Variants in PTPRG observed in about 807,000 individuals in gnomAD.
PTPRG encodes the protein protein tyrosine phosphatase receptor type G.
A neutral mutation model predicts 165.3 loss-of-function variants in PTPRG; 102 were observed. The observed-to-expected ratio is 0.62, with a 90% CI of 0.53 to 0.73. The LOEUF is 0.73. Among genes scored for constraint, PTPRG ranks in the 30% least tolerant of loss-of-function variants. PTPRG has a pLI of 0.00. For missense variants in PTPRG, 1,866 were observed against 1,861.4 expected (o/e 1.00, Z -0.05); for synonymous variants, 675 against 669.5 (o/e 1.01, Z -0.13).
intron 1 of PTPRG, among the ~76,000 whole-genome samples, chr3:61,607,651 C>T (rs1701051401): frequency 6.6e-6 from 1 of 152,182 alleles, no homozygotes; most frequent in South Asian, 2.1e-4. Context: ...TTCTCTCCTG[C>T]TTCTCTTTAG....
chr3:62,077,398 A>G (rs1243401186), intron 4 of PTPRG, among the ~76,000 whole-genome samples: 1 of 152,202 alleles, frequency 6.6e-6, no homozygotes, highest in South Asian at 2.1e-4. Context: ...ATTATCGTCA[A>G]ATTTCTGAAG....
intron 5 of PTPRG, among the ~76,000 whole-genome samples, chr3:62,112,739 A>T (rs923839836): frequency 1.3e-5 from 2 of 152,212 alleles, no homozygotes; most frequent in African/African-American, 4.8e-5. Flanking sequence ...CACAACTGAT[A>T]TCAGGGTAAC....
At chr3:62,048,959 T>G (rs1050681693) in intron 4 of PTPRG, among the ~76,000 whole-genome samples, 5 of 152,222 alleles carry the variant, frequency 3.3e-5, no homozygotes, top group Non-Finnish European at 7.3e-5. Context: ...GCTGCCTGTT[T>G]CTCTGACCTT....
At chr3:61,639,097 G>T (rs4688646) in intron 1 of PTPRG, among the ~76,000 whole-genome samples, 88,482 of 151,980 alleles carry the variant, frequency 0.58, 26,248 homozygotes, top group African/African-American at 0.71. Flanking sequence ...TGGTGAAAGG[G>T]AGGTGTTCAC....
At chr3:61,800,707 G>A (rs2035203468) in intron 2 of PTPRG, among the ~76,000 whole-genome samples, 1 of 151,134 alleles carries the variant, frequency 6.6e-6, no homozygotes, top group Admixed American at 6.6e-5. Context: ...GCAGTGGCAT[G>A]ATCTCGGCTT....
intron 2 of PTPRG, among the ~76,000 whole-genome samples, chr3:61,877,040 G>C (rs192130806): frequency 5.1e-4 from 78 of 151,746 alleles, no homozygotes; most frequent in Non-Finnish European, 3.8e-4. Flanking sequence ...ACATTTTTGT[G>C]TCAGGAGGAT....
intron 3 of PTPRG, among the ~76,000 whole-genome samples, chr3:61,990,647 C>T (rs1208490970): frequency 6.6e-6 from 1 of 152,184 alleles, no homozygotes; most frequent in Non-Finnish European, 1.5e-5. Flanking sequence ...CTTAGTGCTA[C>T]CTGGGGTTCT....
chr3:61,563,575 C>T (rs1699824863), intron 1 of PTPRG, among the ~76,000 whole-genome samples: 1 of 152,210 alleles, frequency 6.6e-6, no homozygotes, highest in Admixed American at 6.5e-5. Context: ...TCCCTCGCTC[C>T]CCTAAGGACA....
intron 1 of PTPRG, among the ~76,000 whole-genome samples, chr3:61,733,858 T>C (rs564006961): frequency 1.3e-5 from 2 of 152,300 alleles, no homozygotes; most frequent in Admixed American, 6.5e-5. Context: ...AATGCAGTGG[T>C]GTAATCTCAG....
intron 8 of PTPRG, among the ~76,000 whole-genome samples, chr3:62,182,464 A>C (rs545845707): frequency 6.6e-6 from 1 of 152,308 alleles, no homozygotes; most frequent in South Asian, 2.1e-4. Context: ...ACTTCTGTGA[A>C]TTCTATGCAG....
intron 2 of PTPRG, among the ~76,000 whole-genome samples, chr3:61,757,698 A>G (rs977833880): frequency 1.3e-5 from 2 of 152,268 alleles, no homozygotes; most frequent in Non-Finnish European, 2.9e-5. Context: ...ATATTCATTA[A>G]TGTATAAATT....
At chr3:61,811,256 T>C (rs1057126583) in intron 2 of PTPRG, among the ~76,000 whole-genome samples, 1 of 152,164 alleles carries the variant, frequency 6.6e-6, no homozygotes, top group Admixed American at 6.5e-5. Flanking sequence ...TTCTGCTAGG[T>C]ACCATGAGAA....
At chr3:61,787,271 G>T (rs1383950904) in intron 2 of PTPRG, among the ~76,000 whole-genome samples, 2 of 152,170 alleles carry the variant, frequency 1.3e-5, no homozygotes, top group African/African-American at 2.4e-5. Flanking sequence ...TGTATTTCCT[G>T]TAAATGATTA....
At chr3:61,877,251 A>T (rs1465382699) in intron 2 of PTPRG, among the ~76,000 whole-genome samples, 2 of 152,182 alleles carry the variant, frequency 1.3e-5, no homozygotes, top group African/African-American at 4.8e-5. Context: ...TTATGCAGGG[A>T]GCACAGAAAC....
intron 10 of PTPRG, among the ~76,000 whole-genome samples, chr3:62,198,765 G>A (rs909619236): frequency 6.6e-6 from 1 of 152,214 alleles, no homozygotes; most frequent in African/African-American, 2.4e-5. Context: ...TTCCAAAATA[G>A]CTACAACAAC....
rs975157154 is a variant in PTPRG at position 62,254,478 on chromosome 3, A to T, written c.2468-646A>T. Among the ~76,000 whole-genome samples the T allele has an allele frequency of 6.6e-5, 10 of 152,156 alleles. No individual in the cohort carries two copies. The highest frequency in any genetic ancestry group is 2.4e-4 in the African/African-American group (10 of 41,428). ...TAAATGGGAATGTGGAGTCTTCCCG[A>T]ATCTATACCTAGTCTGTCAACACCA... On this transcript the variant is annotated intron_variant, in intron 15 of 29. Coordinates refer to ENST00000474889, the MANE Select transcript of PTPRG (RefSeq NM_002841.4). This position sits in a 1 kb window ranked among gnomAD's most constrained non-coding sequence, Gnocchi z 4.6.
At chr3:61,932,268 ATGCAGCAC>A (rs1284864462) in intron 2 of PTPRG, among the ~76,000 whole-genome samples, 1 of 152,184 alleles carries the variant, frequency 6.6e-6, no homozygotes, top group Non-Finnish European at 1.5e-5. Flanking sequence ...GATTCTTGTA[ATGCAGCAC>A]TGCATGGAAT....
At chr3:61,901,169 T>A (rs1157980598) in intron 2 of PTPRG, among the ~76,000 whole-genome samples, 1 of 152,234 alleles carries the variant, frequency 6.6e-6, no homozygotes, top group African/African-American at 2.4e-5. Flanking sequence ...CGGCTACCAA[T>A]AAACTTAATG....
chr3:61,859,624 T>A (rs867698403), intron 2 of PTPRG, among the ~76,000 whole-genome samples: 38 of 148,598 alleles, frequency 2.6e-4, no homozygotes, highest in African/African-American at 8.6e-4. Context: ...TTTTTTTTTT[T>A]GGTCATTGTT....
Sources: gnomAD v4.1 joint callset for allele counts (sites outside exome capture counted in the v4.1 genomes callset) on GRCh38, gnomAD v4.1.1 for gene constraint, Gnocchi (gnomAD v3.1) non-coding constraint, MANE v1.5 for transcripts, NCBI Gene and HGNC (gene_info 2026-07-23, HGNC 2026-07-21) for gene names.